The following GMPR variants were observed in gnomAD, a reference collection of about 807,000 sequenced individuals.
GMPR encodes GMP reductase 1.
Under a neutral mutation model 38.4 loss-of-function variants are expected in GMPR, and 31 were observed. The ratio of observed to expected loss-of-function variants is 0.81; its 90% CI spans 0.61 to 1.09. The LOEUF (loss-of-function observed/expected upper bound fraction) is 1.09, where lower values mean the gene tolerates loss of function less well. GMPR is among the 50% of genes least tolerant of loss of function. GMPR has a pLI of 0.00. For synonymous variants in GMPR, 162 were observed against 173.3 expected (o/e 0.93, Z 0.51); for missense variants, 468 against 453.7 (o/e 1.03, Z -0.29).
intron 4 of GMPR, among the ~76,000 whole-genome samples, chr6:16,265,003 A>T (rs772966928): frequency 6.6e-6 from 1 of 152,202 alleles, no homozygotes. Flanking sequence ...TGAAGAGTAT[A>T]CCAAGTCCTG....
chr6:16,294,568 A>G (rs1362891118), intron 8 of GMPR, among the ~76,000 whole-genome samples: 4 of 152,158 alleles, frequency 2.6e-5, no homozygotes, highest in Non-Finnish European at 5.9e-5. Context: ...CCAGGGGGGA[A>G]TCGGCCAGGG....
Position 16,238,777 on chromosome 6 carries a change from C to T in GMPR, c.84C>T (p.Ala28=), listed in dbSNP as rs1444386533. 6.9e-6 allele frequency: 10 copies of T among 1,451,070 alleles called. No individual in the cohort carries two copies. Among genetic ancestry groups the T allele is most frequent in the African/African-American group, 5.8e-5 (4 of 69,440 alleles). The allele number at this position is 1,451,070 out of a possible 1,614,324, so 89.9% of individuals were successfully genotyped here. Residue 28 remains alanine, a synonymous_variant, in exon 1 of 9, where the codon GCC becomes GCT. Transcript: ENST00000259727. ...RPKRSSLKSR[A]EVDLERTFTF... ...AGCGGAGCAGCCTCAAGAGCCGAGCCGAGGTGGGGGACGTTCGGAAGTCGC... is the reference window on the plus strand; with the variant it reads ...AGCGGAGCAGCCTCAAGAGCCGAGCTGAGGTGGGGGACGTTCGGAAGTCGC...
At chr6:16,245,052 A>G (rs1758728063) in intron 1 of GMPR, among the ~76,000 whole-genome samples, 1 of 152,100 alleles carries the variant, frequency 6.6e-6, no homozygotes, top group Non-Finnish European at 1.5e-5. Flanking sequence ...AGACCAAGGA[A>G]TTGATTGTTT....
chr6:16,260,899 GGTAATT>G (rs1759070791), intron 4 of GMPR, among the ~76,000 whole-genome samples: 1 of 152,020 alleles, frequency 6.6e-6, no homozygotes. Flanking sequence ...CAGGAACAAT[GGTAATT>G]GTGGGACTTA....
At chr6:16,278,688 C>A in intron 5 of GMPR, 96 bp from the exon 6 acceptor site, 3 of 856,588 alleles carry the variant, frequency 3.5e-6, no homozygotes, top group Non-Finnish European at 5.9e-6. Context: ...ACCCTGGTCC[C>A]TAAAGCAGGG....
At chr6:16,268,641 T>A (rs1010959436) in intron 4 of GMPR, among the ~76,000 whole-genome samples, 1 of 152,218 alleles carries the variant, frequency 6.6e-6, no homozygotes, top group Admixed American at 6.5e-5. Context: ...TCTAGCCGCC[T>A]GCTGCCTGTT....
chr6:16,250,473 G>C (rs1306461339), intron 3 of GMPR, 106 bp downstream of exon 3: 2 of 749,962 alleles, frequency 2.7e-6, no homozygotes, highest in Non-Finnish European at 4.9e-6. Context: ...TTGAGAGTTC[G>C]GTGTTTCTCT....
chr6:16,274,118 C>CT (rs1759434109), intron 4 of GMPR, among the ~76,000 whole-genome samples: 1 of 152,050 alleles, frequency 6.6e-6, no homozygotes, highest in Non-Finnish European at 1.5e-5. Flanking sequence ...CCAGCCTCCT[C>CT]TAAGATTTTT....
chr6:16,272,021 G>T (rs1759397213), intron 4 of GMPR, among the ~76,000 whole-genome samples: 1 of 152,090 alleles, frequency 6.6e-6, no homozygotes, highest in Non-Finnish European at 1.5e-5. Context: ...GACCAGCCTG[G>T]CCAACTTGGT....
At chr6:16,251,299 G>A (rs992793543) in intron 3 of GMPR, among the ~76,000 whole-genome samples, 4 of 152,132 alleles carry the variant, frequency 2.6e-5, no homozygotes, top group African/African-American at 4.8e-5. Flanking sequence ...AGCCCGGCGC[G>A]GTGGCTCACG....
intron 4 of GMPR, among the ~76,000 whole-genome samples, chr6:16,258,534 C>T (rs544146949): frequency 5.4e-4 from 82 of 152,338 alleles, no homozygotes; most frequent in Admixed American, 2.9e-3. Flanking sequence ...CCACAGCTGT[C>T]TGGGAAGCCA....
intron 8 of GMPR, among the ~76,000 whole-genome samples, chr6:16,291,806 G>A (rs887635615): frequency 3.3e-5 from 5 of 152,078 alleles, no homozygotes; most frequent in African/African-American, 1.2e-4. Flanking sequence ...AGCAGCTCAG[G>A]AGGCTGAGGC....
In GMPR at chr6:16,246,845, G is replaced by A; in HGVS notation, c.91G>A (p.Asp31Asn). The A allele has an allele frequency of 6.2e-7, 1 of 1,610,932 alleles. No individual in the cohort carries two copies. Among genetic ancestry groups the A allele is most frequent in the South Asian group, 1.1e-5 (1 of 90,068 alleles). The change falls in exon 2 of 9, where the codon GAT becomes AAT. Residue 31 changes from aspartate (D) to asparagine (N), a missense_variant. Physicochemically the swap from Asp to Asn is conservative, Grantham distance 23 (BLOSUM62 1). Coordinates refer to ENST00000259727, the MANE Select transcript of GMPR (RefSeq NM_006877.4). ...RSSLKSRAEV[D>N]LERTFTFRNS... ...TTTCTTTTTTTTTGGCCAACAGGTG[G>A]ATCTTGAACGCACCTTCACGTTTCG...
intron 7 of GMPR, among the ~76,000 whole-genome samples, chr6:16,288,302 A>G (rs1450661256): frequency 6.6e-6 from 1 of 152,250 alleles, no homozygotes; most frequent in Non-Finnish European, 1.5e-5. Flanking sequence ...CTTGCGGGCC[A>G]GCTGGAGTTC....
chr6:16,277,141 G>A (rs1006470784), intron 5 of GMPR, among the ~76,000 whole-genome samples: 8 of 152,160 alleles, frequency 5.3e-5, no homozygotes, highest in African/African-American at 1.9e-4. Flanking sequence ...GGGGGAAGGC[G>A]CCTTCGTGGG....
chr6:16,263,241 C>T (rs1369236159), intron 4 of GMPR: 1 of 151,858 alleles, frequency 6.6e-6, no homozygotes, highest in African/African-American at 2.4e-5. Context: ...CACCTCAGAC[C>T]ATTTGCCCAT....
chr6:16,254,258 G>T (rs1246607474), intron 3 of GMPR, among the ~76,000 whole-genome samples: 3 of 152,134 alleles, frequency 2.0e-5, no homozygotes, highest in Non-Finnish European at 4.4e-5. Context: ...TAGAGATGGG[G>T]TTTCACCATG....
intron 6 of GMPR, among the ~76,000 whole-genome samples, chr6:16,285,045 AACAG>A (rs929852234): frequency 6.7e-6 from 1 of 150,088 alleles, no homozygotes; most frequent in Non-Finnish European, 1.5e-5. Flanking sequence ...AAAAAAAAAA[AACAG>A]AAAAGAAAAG....
At chr6:16,275,614 G>A (rs200900484) in intron 5 of GMPR, among the ~76,000 whole-genome samples, 2 of 147,236 alleles carry the variant, frequency 1.4e-5, no homozygotes, top group Non-Finnish European at 3.0e-5. Flanking sequence ...GAAAAGGCAA[G>A]AAAGGATAAG....
Sources: allele counts gnomAD v4.1 joint callset (sites outside exome capture counted in the v4.1 genomes callset), GRCh38; gene constraint gnomAD v4.1.1; transcripts MANE v1.5; gene names NCBI Gene and HGNC (gene_info 2026-07-23, HGNC 2026-07-21).